PARD3B: variants seen among roughly 807,000 people sequenced by gnomAD.
PARD3B encodes the protein par-3 family cell polarity regulator beta.
A neutral mutation model predicts 130.2 loss-of-function variants in PARD3B; 103 were observed. The observed-to-expected ratio is 0.79, with a 90% CI of 0.67 to 0.93. The LOEUF is 0.93. PARD3B is among the 40% of genes least tolerant of loss of function. The pLI, the probability that PARD3B is intolerant of heterozygous loss-of-function variation, is 0.00. For missense variants in PARD3B, 1,609 were observed against 1,499.2 expected, an observed-to-expected ratio of 1.07 and a Z score of -1.21; for synonymous variants, 583 against 553.2, an observed-to-expected ratio of 1.05 and a Z score of -0.76.
chr2:205,437,700 G>A (rs943207937), intron 19 of PARD3B, among the ~76,000 whole-genome samples: 4 of 152,112 alleles, frequency 2.6e-5, no homozygotes, highest in Admixed American at 6.5e-5. Flanking sequence ...GGAAATAAAA[G>A]AGGATACCCA....
At chr2:204,941,419 G>C (rs547708152) in intron 2 of PARD3B, among the ~76,000 whole-genome samples, 1 of 152,272 alleles carries the variant, frequency 6.6e-6, no homozygotes, top group African/African-American at 2.4e-5. Context: ...GGCAATTAAT[G>C]CCCTGATAAC....
Position 205,558,039 on chromosome 2 carries a change from A to G in PARD3B, c.3260+4636A>G, listed in dbSNP as rs1444138191. ...AGCTGAAGGATTCGCCGACTCAGGA[A>G]AGACCAGTGGTCTGGATGGTCAAGT... On this transcript the variant is annotated intron_variant, in intron 22 of 22. Coordinates refer to ENST00000406610, the MANE Select transcript of PARD3B (RefSeq NM_001302769.2). This position sits in a 1 kb window ranked among gnomAD's most constrained non-coding sequence, Gnocchi z 4.8. Among the ~76,000 whole-genome samples the G allele has an allele frequency of 6.6e-6, 1 of 152,184 alleles. No individual in the cohort carries two copies. The highest frequency in any genetic ancestry group is 1.9e-4 in the East Asian group (1 of 5,196).
At chr2:204,686,880 A>G (rs2037110700) in intron 2 of PARD3B, among the ~76,000 whole-genome samples, 1 of 152,198 alleles carries the variant, frequency 6.6e-6, no homozygotes, top group Admixed American at 6.5e-5. Context: ...GACTATACAG[A>G]GGAAGGTGTG....
chr2:205,475,932 A>T (rs2049006951), intron 20 of PARD3B, among the ~76,000 whole-genome samples: 1 of 152,150 alleles, frequency 6.6e-6, no homozygotes, highest in African/African-American at 2.4e-5. Flanking sequence ...CCATGATATG[A>T]CAAGCTCTGT....
intron 2 of PARD3B, among the ~76,000 whole-genome samples, chr2:204,700,966 T>C (rs1462739131): frequency 6.6e-6 from 1 of 152,080 alleles, no homozygotes; most frequent in African/African-American, 2.4e-5. Context: ...CAAAATCATC[T>C]GCAATCACAT....
chr2:205,262,420 G>A (rs1379195391), intron 16 of PARD3B, among the ~76,000 whole-genome samples: 2 of 151,962 alleles, frequency 1.3e-5, no homozygotes, highest in African/African-American at 2.4e-5. Flanking sequence ...GCATGGCAAC[G>A]AGAACTGGCT....
chr2:204,604,383 G>A (rs937675697), intron 1 of PARD3B, among the ~76,000 whole-genome samples: 6 of 152,176 alleles, frequency 3.9e-5, no homozygotes, highest in Non-Finnish European at 7.3e-5. Flanking sequence ...CTGTGTGGTG[G>A]TAAGTGTCCT....
At chr2:204,793,952 C>CT (rs1159105907) in intron 2 of PARD3B, among the ~76,000 whole-genome samples, 3 of 152,100 alleles carry the variant, frequency 2.0e-5, no homozygotes, top group Admixed American at 6.6e-5. Flanking sequence ...CAAATCATAA[C>CT]TTTTTTTCTG....
At chr2:205,481,974 G>A (rs760422279) in intron 20 of PARD3B, among the ~76,000 whole-genome samples, 1 of 152,190 alleles carries the variant, frequency 6.6e-6, no homozygotes, top group Non-Finnish European at 1.5e-5. Context: ...GTGGAGCAAG[G>A]GTGAGCATGG....
chr2:204,582,873 G>C (rs2032635689), intron 1 of PARD3B, among the ~76,000 whole-genome samples: 1 of 152,172 alleles, frequency 6.6e-6, no homozygotes, highest in African/African-American at 2.4e-5. Context: ...GCATTTCTCT[G>C]ATGGCCAGTG....
intron 2 of PARD3B, among the ~76,000 whole-genome samples, chr2:204,848,283 G>A (rs2044550171): frequency 6.6e-6 from 1 of 152,098 alleles, no homozygotes; most frequent in Non-Finnish European, 1.5e-5. Context: ...GATAAGGAGG[G>A]ACCACTGTTT....
chr2:205,067,551 G>A (rs992930037), intron 4 of PARD3B, among the ~76,000 whole-genome samples: 6 of 151,962 alleles, frequency 3.9e-5, no homozygotes, highest in Non-Finnish European at 8.8e-5. Context: ...TATTATTATA[G>A]TGTATATGTT....
chr2:204,879,896 A>G (rs572917928), intron 2 of PARD3B, among the ~76,000 whole-genome samples: 122 of 152,346 alleles, frequency 8.0e-4, no homozygotes, highest in Non-Finnish European at 2.1e-4. Flanking sequence ...TGAGTATCCA[A>G]CAGAAGTCAA....
At chr2:205,262,744 A>G (rs2105769747) in intron 16 of PARD3B, among the ~76,000 whole-genome samples, 1 of 152,238 alleles carries the variant, frequency 6.6e-6, no homozygotes, top group Admixed American at 6.5e-5. Context: ...TGACATGAAA[A>G]GTCCTGACCT....
intron 1 of PARD3B, among the ~76,000 whole-genome samples, chr2:204,643,136 A>AAAAAAAAAAAAAAAAAAAAAC (rs1559202402): frequency 6.9e-6 from 1 of 145,200 alleles, no homozygotes; most frequent in Non-Finnish European, 1.5e-5. Flanking sequence ...AAAAAAAAAA[A>AAAAAAAAAAAAAAAAAAAAAC]TGTTTGGCAC....
At chr2:205,418,082 A>T (rs2046841974) in intron 19 of PARD3B, among the ~76,000 whole-genome samples, 1 of 152,114 alleles carries the variant, frequency 6.6e-6, no homozygotes. Context: ...ATAGTTCCCA[A>T]TTTCAGGCCT....
At chr2:204,650,917 T>G (rs1045357504) in intron 1 of PARD3B, among the ~76,000 whole-genome samples, 1 of 151,670 alleles carries the variant, frequency 6.6e-6, no homozygotes, top group African/African-American at 2.4e-5. Flanking sequence ...AAGGAGGAAG[T>G]GCCACACACT....
chr2:204,883,603 A>G (rs949634970), intron 2 of PARD3B, among the ~76,000 whole-genome samples: 3 of 150,450 alleles, frequency 2.0e-5, no homozygotes, highest in Non-Finnish European at 3.0e-5. Context: ...GTCCGCCACC[A>G]CGCCCAGCTA....
chr2:205,425,414 C>A (rs1461434257), intron 19 of PARD3B, among the ~76,000 whole-genome samples: 2 of 152,024 alleles, frequency 1.3e-5, no homozygotes, highest in Non-Finnish European at 2.9e-5. Context: ...CCTTCAAGGG[C>A]AGTTTTCTTG....
Sources: allele counts gnomAD v4.1 joint callset (sites outside exome capture counted in the v4.1 genomes callset), GRCh38; gene constraint gnomAD v4.1.1; non-coding constraint Gnocchi (gnomAD v3.1); transcripts MANE v1.5; gene names NCBI Gene and HGNC (gene_info 2026-07-23, HGNC 2026-07-21).